The following TUSC3 variants were observed in gnomAD, a reference collection of about 807,000 sequenced individuals.
TUSC3 encodes tumor suppressor candidate 3.
TUSC3 carries 45 observed loss-of-function variants against 44.8 expected under a neutral mutation model. The observed-to-expected ratio is 1.00, with a 90% CI of 0.79 to 1.29. TUSC3 has a LOEUF of 1.29. Among genes scored for constraint, TUSC3 ranks in the 50% most tolerant of loss-of-function variants. TUSC3 has a pLI of 0.00. For synonymous variants in TUSC3, 212 were observed against 152.9 expected (o/e 1.39, Z -2.85); for missense variants, 519 against 437.9 (o/e 1.19, Z -1.65).
At chr8:15,583,871 C>T (rs1280015196) in intron 1 of TUSC3, among the ~76,000 whole-genome samples, 1 of 152,118 alleles carries the variant, frequency 6.6e-6, no homozygotes, top group Admixed American at 6.6e-5. Context: ...AGAGATCTTT[C>T]TTAAAATGAG....
intron 2 of TUSC3, among the ~76,000 whole-genome samples, chr8:15,516,549 T>C (rs996944197): frequency 3.3e-5 from 5 of 152,174 alleles, no homozygotes; most frequent in Non-Finnish European, 5.9e-5. Flanking sequence ...CTCTTCTTAA[T>C]TAATGTAGGT....
At chr8:15,646,904 T>C (rs1157455806) in intron 2 of TUSC3, among the ~76,000 whole-genome samples, 1 of 152,186 alleles carries the variant, frequency 6.6e-6, no homozygotes, top group African/African-American at 2.4e-5. Context: ...CTTTCATTGC[T>C]TTTTGTTTAT....
At chr8:15,664,011 A>AT (rs1807542397) in intron 5 of TUSC3, among the ~76,000 whole-genome samples, 1 of 151,880 alleles carries the variant, frequency 6.6e-6, no homozygotes. Context: ...TCCTTACATT[A>AT]TTCTTATTCC....
intron 1 of TUSC3, among the ~76,000 whole-genome samples, chr8:15,540,992 T>G (rs1366552608): frequency 6.6e-6 from 1 of 152,250 alleles, no homozygotes; most frequent in East Asian, 1.9e-4. Flanking sequence ...CAACAGAACC[T>G]GTGCAGAGTG....
chr8:15,634,229 C>T (rs542601526), intron 2 of TUSC3, among the ~76,000 whole-genome samples: 2 of 152,276 alleles, frequency 1.3e-5, no homozygotes, highest in African/African-American at 2.4e-5. Context: ...CCAAATGGGA[C>T]CTTCATCATT....
At chr8:15,606,770 G>A (rs879908541) in intron 1 of TUSC3, among the ~76,000 whole-genome samples, 2 of 151,950 alleles carry the variant, frequency 1.3e-5, no homozygotes, top group Non-Finnish European at 2.9e-5. Flanking sequence ...CCTAGAAATG[G>A]CATTGATGAA....
intron 2 of TUSC3, among the ~76,000 whole-genome samples, chr8:15,623,886 G>A (rs565573238): frequency 2.6e-5 from 4 of 152,124 alleles, no homozygotes; most frequent in African/African-American, 9.6e-5. Context: ...TACTGGCATC[G>A]ATACAGACAA....
At chr8:15,758,898 C>T (rs777619926) in intron 10 of TUSC3, among the ~76,000 whole-genome samples, 10 of 152,102 alleles carry the variant, frequency 6.6e-5, no homozygotes, top group Non-Finnish European at 1.2e-4. Flanking sequence ...TGTTTTCCTA[C>T]TCTCAATAAA....
At chr8:15,432,029 G>C (rs1799879124) in intron 1 of TUSC3, among the ~76,000 whole-genome samples, 1 of 151,700 alleles carries the variant, frequency 6.6e-6, no homozygotes, top group Non-Finnish European at 1.5e-5. Flanking sequence ...TGCTAGTGTT[G>C]AGGATTTTTG....
At position 15,765,599 on chromosome 8, in the gene TUSC3, A is replaced by G. The variant is rs1195393529; in HGVS notation, c.*1443A>G. 3.3e-5 allele frequency: 5 copies of G among 152,202 alleles called. No individual in the cohort carries two copies. The East Asian group carries it at 7.7e-4, about 23-fold the overall frequency. 9.4% of individuals were successfully genotyped at this position (152,202 alleles called of 1,614,324 possible). ...TGTGTATGCTAGCAGGATGAATGCT[A>G]TCTTTTCAAAACATAATATTCAGTG... On this transcript the variant is annotated 3_prime_UTR_variant, in exon 11 of 11. Transcript: ENST00000503731.
intron 2 of TUSC3, among the ~76,000 whole-genome samples, chr8:15,643,853 T>C (rs568539947): frequency 1.6e-4 from 24 of 152,284 alleles, no homozygotes; most frequent in African/African-American, 5.8e-4. Context: ...GAACCTTAAG[T>C]AATAGGTGAG....
Position 15,577,503 on chromosome 8 carries a change from A to T in TUSC3, c.138+36935A>T, listed in dbSNP as rs1477477452. ...ATTGTTTTTTGTATAAGGTGTAAGG[A>T]AGGGATCCAGTTTCAGCTTTCTACA... is the stretch of plus-strand genomic sequence containing the variant. On this transcript the variant is annotated intron_variant, in intron 1 of 10. Coordinates refer to ENST00000503731, the MANE Select transcript of TUSC3 (RefSeq NM_006765.4). 4.0e-5 allele frequency among the ~76,000 whole-genome samples: 6 copies of T among 150,744 alleles called. No homozygotes were observed. In the Admixed American group the frequency reaches 4.0e-4, roughly 10 times the overall value.
At chr8:15,613,409 T>C (rs1410549741) in intron 1 of TUSC3, among the ~76,000 whole-genome samples, 1 of 152,144 alleles carries the variant, frequency 6.6e-6, no homozygotes, top group Non-Finnish European at 1.5e-5. Context: ...GAAAAGAAAT[T>C]TGAGTGTCTT....
intron 1 of TUSC3, among the ~76,000 whole-genome samples, chr8:15,595,763 A>T (rs1325305898): frequency 6.6e-6 from 1 of 152,168 alleles, no homozygotes; most frequent in Non-Finnish European, 1.5e-5. Flanking sequence ...TACTTCTGTA[A>T]GATTTTCTCA....
intron 1 of TUSC3, among the ~76,000 whole-genome samples, chr8:15,429,340 G>T (rs1366556015): frequency 1.3e-5 from 2 of 149,200 alleles, no homozygotes; most frequent in African/African-American, 5.2e-5. Flanking sequence ...TCTCTGTTTT[G>T]GTACCAGTAC....
chr8:15,730,576 A>G, intron 6 of TUSC3, 90 bp from the exon 7 acceptor site: 1 of 1,278,138 alleles, frequency 7.8e-7, no homozygotes, highest in Non-Finnish European at 1.1e-6. Flanking sequence ...ATCGAATTAG[A>G]TTTTTCCATT....
At chr8:15,564,300 G>A (rs1660753878) in intron 1 of TUSC3, among the ~76,000 whole-genome samples, 1 of 151,888 alleles carries the variant, frequency 6.6e-6, no homozygotes, top group Non-Finnish European at 1.5e-5. Flanking sequence ...TTCTCTAACA[G>A]CTAAAATAAA....
intron 1 of TUSC3, among the ~76,000 whole-genome samples, chr8:15,476,288 A>G (rs1242774670): frequency 6.6e-6 from 1 of 152,166 alleles, no homozygotes. Context: ...ATCACCCAGT[A>G]TGTATGTCTT....
Position 15,652,113 on chromosome 8 carries a change from T to C in TUSC3, c.426+1299T>C, listed in dbSNP as rs138143785. ...TTACCCTGCAGTTCATTATTATTTT[T>C]TAAAATGTTTTTACTATGTGATCAA... On this transcript the variant is annotated intron_variant, in intron 3 of 10. Transcript: ENST00000503731. Among the ~76,000 whole-genome samples, 1,468 of 152,338 alleles carry C rather than the reference T, an allele frequency of 9.6e-3. 16 individuals carry two copies. Among genetic ancestry groups the C allele is most frequent in the Middle Eastern group, 0.034 (10 of 294 alleles).
Sources: allele counts gnomAD v4.1 joint callset (sites outside exome capture counted in the v4.1 genomes callset), GRCh38; gene constraint gnomAD v4.1.1; transcripts MANE v1.5; gene names NCBI Gene and HGNC (gene_info 2026-07-23, HGNC 2026-07-21).